The following RADIL variants were observed in gnomAD, a reference collection of about 807,000 sequenced individuals.
RADIL encodes Rap associating with DIL domain, also known as ras-associating and dilute domain-containing protein.
A neutral mutation model predicts 97.6 loss-of-function variants in RADIL; 99 were observed. That is an observed-to-expected ratio of 1.01 (90% CI 0.86 to 1.20). The LOEUF is 1.20. Ranked by LOEUF, RADIL falls within the 50% of genes most tolerant of loss-of-function variation. RADIL has a pLI of 0.00. For missense variants in RADIL, 1,765 were observed against 1,498.9 expected (o/e 1.18, Z -2.93); for synonymous variants, 803 against 691.8 (o/e 1.16, Z -2.52).
intron 2 of RADIL, chr7:4,860,873 A>AGAT: frequency 6.2e-7 from 1 of 1,614,174 alleles, no homozygotes; most frequent in Non-Finnish European, 8.5e-7. Context: ...GATAGGCATA[A>AGAT]GATGGTACCT....
chr7:4,845,886 G>T (rs889396761), intron 2 of RADIL, among the ~76,000 whole-genome samples: 5 of 152,186 alleles, frequency 3.3e-5, no homozygotes, highest in African/African-American at 9.6e-5. Context: ...CGAGGAGAGA[G>T]CAGCGTGGCG....
At chr7:4,826,668 G>T (rs1178775424) in intron 5 of RADIL, among the ~76,000 whole-genome samples, 1 of 151,516 alleles carries the variant, frequency 6.6e-6, no homozygotes, top group Non-Finnish European at 1.5e-5. Flanking sequence ...AGGAGGCGGA[G>T]GTTGCAGTGA....
chr7:4,801,352 GCC>G (rs1562424279), intron 12 of RADIL, among the ~76,000 whole-genome samples: 1 of 152,186 alleles, frequency 6.6e-6, no homozygotes, highest in East Asian at 1.9e-4. Context: ...CACTGGCTCA[GCC>G]ATCCCTTCCT....
At chr7:4,808,988 C>CA in intron 9 of RADIL, 1 of 589,354 alleles carries the variant, frequency 1.7e-6, no homozygotes, top group Non-Finnish European at 2.0e-6. Context: ...AACGCCACTG[C>CA]CCCCCCGCGT....
At chr7:4,875,856 G>T (rs550958786) in intron 2 of RADIL, among the ~76,000 whole-genome samples, 1 of 152,126 alleles carries the variant, frequency 6.6e-6, no homozygotes, top group African/African-American at 2.4e-5. Flanking sequence ...CCACTGGATC[G>T]TGACATGGCA....
rs988678289 is a variant in RADIL, at chr7:4,835,610, T to TGTGTGGGAGCACCACCCCCA, written c.784-391_784-372dup. On this transcript the variant is annotated intron_variant, in intron 3 of 14. Transcript: ENST00000399583. The surrounding 1 kb of genome is among the most constrained non-coding windows in gnomAD (Gnocchi z 5.8). ...AAAACTGTGTGGGAGCACTGCCGCC[T>TGTGTGGGAGCACCACCCCCA]GTGTGGGAGCACCACCCCCAGTGTG... Among the ~76,000 whole-genome samples the TGTGTGGGAGCACCACCCCCA allele has an allele frequency of 1.0e-3, 157 of 151,958 alleles. No homozygotes were observed. The highest frequency in any genetic ancestry group is 1.4e-3 in the Non-Finnish European group (98 of 67,966).
At chr7:4,846,118 A>G (rs1465058919) in intron 2 of RADIL, among the ~76,000 whole-genome samples, 2 of 98,910 alleles carry the variant, frequency 2.0e-5, no homozygotes, top group African/African-American at 1.0e-4. Context: ...CAGAGCTACA[A>G]TCTTCTTTTT....
In RADIL at chr7:4,873,982, G is replaced by A. The variant is rs186049741; in HGVS notation, c.535+3623C>T. Reference sequence around the variant, plus strand: ...GGCTCTCAGTCGTTCCCCTTGGAGGGGCGAGGGAGGAATCGCCTAGTGCCG... The same window carrying A: ...GGCTCTCAGTCGTTCCCCTTGGAGGAGCGAGGGAGGAATCGCCTAGTGCCG... On this transcript the variant is annotated intron_variant, in intron 2 of 14. Coordinates refer to ENST00000399583, the MANE Select transcript of RADIL (RefSeq NM_018059.5). This position sits in a 1 kb window ranked among gnomAD's most constrained non-coding sequence, Gnocchi z 4.3. 1.8e-3 allele frequency among the ~76,000 whole-genome samples: 279 copies of A among 152,366 alleles called. 2 individuals carry two copies. The highest frequency in any genetic ancestry group is 6.3e-3 in the African/African-American group (262 of 41,584).
intron 2 of RADIL, chr7:4,838,126 G>A (rs1783350153): frequency 1.1e-6 from 1 of 921,114 alleles, no homozygotes; most frequent in African/African-American, 1.8e-5. Flanking sequence ...GGGCTGGGCT[G>A]CTCACCACCC....
chr7:4,826,881 A>G (rs1252083574), intron 5 of RADIL, among the ~76,000 whole-genome samples: 1 of 152,264 alleles, frequency 6.6e-6, no homozygotes, highest in Non-Finnish European at 1.5e-5. Flanking sequence ...CGACTTGCCC[A>G]TTAACAAAGA....
chr7:4,805,868 TCA>T, intron 9 of RADIL, 152 bp from the exon 10 acceptor site: 3 of 1,386,878 alleles, frequency 2.2e-6, no homozygotes, highest in Non-Finnish European at 2.8e-6. Context: ...GGGGACGGTG[TCA>T]CAGCAGCAGT....
chr7:4,801,584 G>A, intron 12 of RADIL, 69 bp downstream of exon 12: 1 of 1,482,896 alleles, frequency 6.7e-7, no homozygotes, highest in African/African-American at 1.4e-5. Context: ...ACGATCCCAG[G>A]GGACCGGCCA....
At chr7:4,810,560 A>G (rs551846796) in intron 9 of RADIL, among the ~76,000 whole-genome samples, 1 of 152,344 alleles carries the variant, frequency 6.6e-6, no homozygotes, top group Admixed American at 6.5e-5. Flanking sequence ...GATAAATAGA[A>G]TATGGGTTTT....
chr7:4,832,061 C>G, intron 5 of RADIL, 80 bp downstream of exon 5: 1 of 1,485,660 alleles, frequency 6.7e-7, no homozygotes. Context: ...GGAGACCCCT[C>G]GGGACTTGGC....
At position 4,816,323 on chromosome 7, in the gene RADIL, C is replaced by T. The variant is rs542867654; in HGVS notation, c.1871G>A (p.Arg624Gln). 377 of 1,612,458 alleles carry T rather than the reference C, an allele frequency of 2.3e-4. 2 individuals carry two copies. In the South Asian group the frequency reaches 3.9e-3, roughly 17 times the overall value. ...SVYQAALDLLRQLQVHPEVAS... is the reference protein window; with the variant it reads ...SVYQAALDLLQQLQVHPEVAS... ...CACCTCGGGGTGCACCTGCAGCTGCCGCAGGAGGTCCAGGGCTGCCTGGTA... is the reference window on the plus strand; with the variant it reads ...CACCTCGGGGTGCACCTGCAGCTGCTGCAGGAGGTCCAGGGCTGCCTGGTA... Residue 624 changes from arginine (R) to glutamine (Q), a missense_variant, in exon 8 of 15, where the codon CGG becomes CAG. Transcript: ENST00000399583.
rs892448605 is a variant in RADIL at position 4,822,710 on chromosome 7, C to T, written c.1455-156G>A. On this transcript the variant is annotated intron_variant, in intron 5 of 14. Transcript: ENST00000399583. This position sits in a 1 kb window ranked among gnomAD's most constrained non-coding sequence, Gnocchi z 5.3. ...TGCTGGGCGGGGACGTTTAACAATA[C>T]GTGTACCCGCCTGGCACCTGCCTAC... Among the ~76,000 whole-genome samples, 8 of 152,164 alleles carry T rather than the reference C, an allele frequency of 5.3e-5. No homozygotes were observed. The highest frequency in any genetic ancestry group is 1.9e-4 in the African/African-American group (8 of 41,454).
chr7:4,811,237 C>G (rs1562431689), intron 9 of RADIL: 1 of 152,056 alleles, frequency 6.6e-6, no homozygotes, highest in Non-Finnish European at 1.5e-5. Context: ...ACAACAAAAT[C>G]TGTAACTGGT....
intron 1 of RADIL, chr7:4,882,045 G>A (rs1583335648): frequency 6.6e-6 from 1 of 152,064 alleles, no homozygotes; most frequent in East Asian, 1.9e-4. Flanking sequence ...TAAGCAGAGA[G>A]AATATGATTG....
chr7:4,803,781 T>C (rs558923954), intron 10 of RADIL, 27 bp from the exon 11 acceptor site: 5 of 1,535,974 alleles, frequency 3.3e-6, no homozygotes, highest in Non-Finnish European at 4.4e-6. Context: ...ATGCCCGTAA[T>C]GGCCACAGGA....
Sources: allele counts gnomAD v4.1 joint callset (sites outside exome capture counted in the v4.1 genomes callset), GRCh38; gene constraint gnomAD v4.1.1; non-coding constraint Gnocchi (gnomAD v3.1); transcripts MANE v1.5; gene names NCBI Gene and HGNC (gene_info 2026-07-23, HGNC 2026-07-21).